Variants in STAG1 observed in about 807,000 individuals in gnomAD.
STAG1 encodes STAG1 cohesin complex component.
STAG1 carries 26 observed loss-of-function variants against 170.9 expected under a neutral mutation model. That is an observed-to-expected ratio of 0.15 (90% CI 0.11 to 0.21). The LOEUF (loss-of-function observed/expected upper bound fraction) is 0.21, where lower values mean the gene tolerates loss of function less well. Ranked by LOEUF, STAG1 falls within the 10% of genes least tolerant of loss-of-function variation. The probability of loss-of-function intolerance (pLI) is 1.00; values close to 1 mark genes in which losing one functional copy is unlikely to be tolerated. For synonymous variants in STAG1, 514 were observed against 497.7 expected (o/e 1.03, Z -0.44); for missense variants, 964 against 1,509.5 (o/e 0.64, Z 5.99).
intron 1 of STAG1, among the ~76,000 whole-genome samples, chr3:136,655,132 A>T (rs1187083634): frequency 6.6e-6 from 1 of 152,206 alleles, no homozygotes; most frequent in Non-Finnish European, 1.5e-5. Flanking sequence ...AAAACAGGCA[A>T]ACTGGACTTC....
Position 136,745,330 on chromosome 3 carries a change from G to A in STAG1, c.-84+6865C>T, listed in dbSNP as rs535226695. ...AATTAAAAATAAATAAAAAACAAAC[G>A]GGGGGCAGGGAAGAAGGCAAGATTT... is the stretch of plus-strand genomic sequence containing the variant. On this transcript the variant is annotated intron_variant, in intron 1 of 33. Transcript: ENST00000383202. 3.4e-4 allele frequency among the ~76,000 whole-genome samples: 51 copies of A among 152,142 alleles called. No homozygotes were observed. The East Asian group carries it at 8.9e-3, about 26-fold the overall frequency.
intron 8 of STAG1, among the ~76,000 whole-genome samples, chr3:136,501,227 C>A (rs1468419440): frequency 6.6e-6 from 1 of 152,168 alleles, no homozygotes; most frequent in East Asian, 1.9e-4. Context: ...TCTGAGTCAG[C>A]AGTACTTACG....
intron 7 of STAG1, chr3:136,518,099 A>G (rs1934476016): frequency 3.0e-6 from 1 of 332,384 alleles, no homozygotes; most frequent in Admixed American, 4.7e-5. Context: ...AATGCAATGC[A>G]TAAACACTGA....
chr3:136,723,896 C>G (rs1482322684), intron 1 of STAG1, among the ~76,000 whole-genome samples: 1 of 148,778 alleles, frequency 6.7e-6, no homozygotes, highest in Non-Finnish European at 1.5e-5. Flanking sequence ...AGTCAGCCCC[C>G]CGCCCGGCCA....
chr3:136,430,007 G>A (rs1378091192), intron 16 of STAG1: 1 of 152,128 alleles, frequency 6.6e-6, no homozygotes, highest in Non-Finnish European at 1.5e-5. Flanking sequence ...GATCATTTAG[G>A]TTATTGGTAG....
chr3:136,475,921 A>G (rs143317068), intron 10 of STAG1, among the ~76,000 whole-genome samples: 1 of 152,334 alleles, frequency 6.6e-6, no homozygotes, highest in East Asian at 1.9e-4. Context: ...ATGATACTAA[A>G]GACCAGGCCT....
At chr3:136,617,624 T>C (rs957535970) in intron 3 of STAG1, among the ~76,000 whole-genome samples, 1 of 152,160 alleles carries the variant, frequency 6.6e-6, no homozygotes, top group Non-Finnish European at 1.5e-5. Context: ...TACTCTCTAT[T>C]TTACAGGAGT....
chr3:136,590,300 C>G (rs191595289), intron 4 of STAG1, among the ~76,000 whole-genome samples: 48 of 151,706 alleles, frequency 3.2e-4, no homozygotes, highest in Non-Finnish European at 6.0e-4. Flanking sequence ...CTGGCCAACA[C>G]AGTGAAACCC....
Position 136,740,029 on chromosome 3 carries a change from G to T in STAG1, c.-84+12166C>A, listed in dbSNP as rs12493906. Among the ~76,000 whole-genome samples the T allele has an allele frequency of 9.5e-3, 1,448 of 152,208 alleles. 83 individuals are homozygous for T. The highest frequency in any genetic ancestry group is 0.078 in the Admixed American group (1,187 of 15,264). The stretch of plus-strand genomic sequence containing the variant: ...AGATTCCACATCTTACTCTGCGTTT[G>T]CTTTTTCTTTTCTTTGTGAACTATA... On this transcript the variant is annotated intron_variant, in intron 1 of 33. Coordinates refer to ENST00000383202, the MANE Select transcript of STAG1 (RefSeq NM_005862.3).
intron 1 of STAG1, among the ~76,000 whole-genome samples, chr3:136,744,828 A>G (rs943423397): frequency 2.6e-5 from 4 of 152,020 alleles, no homozygotes; most frequent in Non-Finnish European, 2.9e-5. Context: ...GGCACATGCC[A>G]CCACACCCAG....
intron 13 of STAG1, among the ~76,000 whole-genome samples, chr3:136,455,274 T>C (rs1162853022): frequency 3.9e-5 from 6 of 152,118 alleles, no homozygotes; most frequent in Middle Eastern, 3.2e-3. Flanking sequence ...ACCCTGAATA[T>C]GCTAGAACTC....
In STAG1 at chr3:136,527,104, A is replaced by G. The variant is rs1201334263; in HGVS notation, c.472-5687T>C. On this transcript the variant is annotated intron_variant, in intron 6 of 33. Coordinates refer to ENST00000383202, the MANE Select transcript of STAG1 (RefSeq NM_005862.3). Reference sequence around the variant, plus strand: ...GCTCTTCTCAAGGAGTATCTTCATGACATTCTCTGTATTTCCTGAATTTGA... The same window carrying G: ...GCTCTTCTCAAGGAGTATCTTCATGGCATTCTCTGTATTTCCTGAATTTGA... Among the ~76,000 whole-genome samples, 6 of 152,018 alleles carry G rather than the reference A, an allele frequency of 3.9e-5. 1 individual carries two copies. The highest frequency in any genetic ancestry group is 7.4e-5 in the Non-Finnish European group (5 of 68,016).
At chr3:136,498,306 CAT>C (rs1157112368) in intron 9 of STAG1, among the ~76,000 whole-genome samples, 18 of 138,214 alleles carry the variant, frequency 1.3e-4, no homozygotes, top group Admixed American at 2.2e-4. Context: ...CACACACACA[CAT>C]ATATATACAC....
chr3:136,660,172 G>C (rs1350938368), intron 1 of STAG1, among the ~76,000 whole-genome samples: 2 of 152,102 alleles, frequency 1.3e-5, no homozygotes, highest in Non-Finnish European at 2.9e-5. Flanking sequence ...TCATTCTTTT[G>C]GCAATTCATT....
chr3:136,591,705 G>A lies in STAG1; in HGVS notation c.297+12604C>T, dbSNP rs180965066. Among the ~76,000 whole-genome samples, 218 of 152,288 alleles carry A rather than the reference G, an allele frequency of 1.4e-3. 1 individual carries two copies. Among genetic ancestry groups the A allele is most frequent in the Middle Eastern group, 3.4e-3 (1 of 294 alleles). On this transcript the variant is annotated intron_variant, in intron 4 of 33. Transcript: ENST00000383202. The stretch of plus-strand genomic sequence containing the variant: ...ATAACTATGAAGTAGAATTCAGGAT[G>A]AAGATGCCAAATCTTTCCATTTGGA...
At chr3:136,581,669 C>T (rs111665456) in intron 4 of STAG1, among the ~76,000 whole-genome samples, 106 of 151,990 alleles carry the variant, frequency 7.0e-4, no homozygotes, top group African/African-American at 2.4e-3. Flanking sequence ...CCTAGTTAAA[C>T]GAATCACATG....
At chr3:136,344,483 G>C (rs961527061) in intron 29 of STAG1, among the ~76,000 whole-genome samples, 7 of 152,216 alleles carry the variant, frequency 4.6e-5, no homozygotes, top group Non-Finnish European at 8.8e-5. Flanking sequence ...TGCACAACTA[G>C]ACACTGGTCA....
intron 16 of STAG1, among the ~76,000 whole-genome samples, chr3:136,425,357 G>A (rs971678188): frequency 6.6e-6 from 1 of 152,114 alleles, no homozygotes; most frequent in African/African-American, 2.4e-5. Flanking sequence ...AGATTGGGGG[G>A]TGAGTGGGTG....
chr3:136,514,470 T>G (rs1176929320), intron 7 of STAG1, among the ~76,000 whole-genome samples: 1 of 152,202 alleles, frequency 6.6e-6, no homozygotes, highest in Non-Finnish European at 1.5e-5. Context: ...AGTGGGAGTG[T>G]AAACTAGTTC....
Sources: gnomAD v4.1 joint callset for allele counts (sites outside exome capture counted in the v4.1 genomes callset) on GRCh38, gnomAD v4.1.1 for gene constraint, MANE v1.5 for transcripts, NCBI Gene and HGNC (gene_info 2026-07-23, HGNC 2026-07-21) for gene names.